Variants in KLHL21 observed in about 807,000 individuals in gnomAD.
KLHL21 encodes the protein kelch like family member 21, also known as kelch-like protein 21.
In KLHL21, 42 loss-of-function variants were observed where a neutral mutation model predicts 44.1. That is an observed-to-expected ratio of 0.95 (90% confidence interval 0.74 to 1.23). The LOEUF (loss-of-function observed/expected upper bound fraction) is 1.23, where lower values mean the gene tolerates loss of function less well. KLHL21 is among the 50% of genes most tolerant of loss of function. The pLI is 0.00. For missense variants in KLHL21, 918 were observed against 889.1 expected (o/e 1.03, Z -0.41); for synonymous variants, 524 against 411.6 (o/e 1.27, Z -3.31).
At chr1:6,598,678 C>T (rs1461849736) in intron 2 of KLHL21, among the ~76,000 whole-genome samples, 2 of 152,046 alleles carry the variant, frequency 1.3e-5, no homozygotes, top group Admixed American at 1.3e-4. Context: ...GTCAGGAGAT[C>T]AAGACCATCC....
At position 6,593,390 on chromosome 1, in the gene KLHL21, G is replaced by A. The variant is rs750408643; in HGVS notation, c.1769C>T (p.Pro590Leu). ...DDMDPGRPRPPRDPDELH is the reference protein window; with the variant it reads ...DDMDPGRPRPLRDPDELH ...CTAGTGCAGCTCATCGGGGTCCCGCGGCGGCCGGGGTCGGCCTGGGTCCAT... is the reference window on the plus strand; with the variant it reads ...CTAGTGCAGCTCATCGGGGTCCCGCAGCGGCCGGGGTCGGCCTGGGTCCAT... The change falls in exon 4 of 4, where the codon CCG (proline) becomes CTG (leucine). Residue 590 changes from proline to leucine, a missense_variant. Physicochemically the swap from Pro to Leu is moderately conservative, Grantham distance 98. Transcript: ENST00000377658. 48 of 1,602,614 alleles carry A rather than the reference G, an allele frequency of 3.0e-5. No individual in the cohort carries two copies. The highest frequency in any genetic ancestry group is 1.6e-4 in the African/African-American group (12 of 74,782).
rs1419327768 is a variant in KLHL21, at chr1:6,592,083, G to T, written c.*1282C>A. The T allele has an allele frequency of 6.6e-6, 1 of 152,480 alleles. No individual in the cohort carries two copies. The highest frequency in any genetic ancestry group is 1.9e-4 in the East Asian group (1 of 5,190). 9.4% of individuals were successfully genotyped at this position (152,480 alleles called of 1,614,324 possible). On this transcript the variant is annotated 3_prime_UTR_variant, in exon 4 of 4. Transcript: ENST00000377658. ...CACGAGGGAGAGGCCAGGCAGCCCTGTCAGGGGTCCTGGGACATATTAAGG... is the reference window on the plus strand; with the variant it reads ...CACGAGGGAGAGGCCAGGCAGCCCTTTCAGGGGTCCTGGGACATATTAAGG...
intron 2 of KLHL21, 45 bp downstream of exon 2, chr1:6,599,002 T>G: frequency 6.6e-7 from 1 of 1,520,748 alleles, no homozygotes; most frequent in Non-Finnish European, 8.8e-7. Context: ...CAGGGCCTGG[T>G]AAGAGACACC....
In KLHL21 at chr1:6,601,824, C is replaced by T; in HGVS notation, c.994G>A (p.Ala332Thr). The change falls in exon 1 of 4, where the codon GCG (alanine) becomes ACG (threonine). Residue 332 changes from alanine to threonine, a missense_variant. Coordinates refer to ENST00000377658, the MANE Select transcript of KLHL21 (RefSeq NM_014851.4). ...GTCACGTAGATGTCATTGCCCAGCGCCACGATGCTGTAGCCTCCGCCCAGG... is the reference window on the plus strand; with the variant it reads ...GTCACGTAGATGTCATTGCCCAGCGTCACGATGCTGTAGCCTCCGCCCAGG... ...DHLGGGYSIV[A>T]LGNDIYVTGG... 6.3e-7 allele frequency: 1 copy of T among 1,584,324 alleles called. No individual in the cohort carries two copies. Among genetic ancestry groups the T allele is most frequent in the Non-Finnish European group, 8.6e-7 (1 of 1,165,464 alleles).
At chr1:6,601,459 T>C (rs771397368) in intron 1 of KLHL21, among the ~76,000 whole-genome samples, 17 of 152,020 alleles carry the variant, frequency 1.1e-4, no homozygotes, top group Non-Finnish European at 1.6e-4. Flanking sequence ...CTGGATTCCT[T>C]AAGGAGAAAA....
Position 6,602,639 on chromosome 1 carries a change from T to C in KLHL21, c.179A>G (p.Tyr60Cys). 6.6e-7 allele frequency: 1 copy of C among 1,517,002 alleles called. No homozygotes were observed. Among genetic ancestry groups the C allele is most frequent in the Non-Finnish European group, 8.8e-7 (1 of 1,138,994 alleles). 94.0% of individuals were successfully genotyped at this position (1,517,002 alleles called of 1,614,324 possible). A position where few individuals can be genotyped will look rare whatever the true frequency, so the allele number is the denominator to read the frequency against. ...CTGCCCCGCGAACATGGCGCGGAAGTAGGGGCTGGCGGCGGCCAGCACCGC... is the reference window on the plus strand; with the variant it reads ...CTGCCCCGCGAACATGGCGCGGAAGCAGGGGCTGGCGGCGGCCAGCACCGC... Reference protein sequence around the residue: ...HRAVLAAASPYFRAMFAGQLR... With the variant: ...HRAVLAAASPCFRAMFAGQLR... Residue 60 changes from tyrosine (Y) to cysteine (C), a missense_variant, in exon 1 of 4, where the codon TAC (tyrosine) becomes TGC (cysteine). Transcript: ENST00000377658.
intron 3 of KLHL21, chr1:6,594,914 A>C (rs577144757): frequency 6.3e-6 from 1 of 158,126 alleles, no homozygotes; most frequent in South Asian, 2.0e-4. Flanking sequence ...AAAAAAAATT[A>C]CTGGGTGTGG....
chr1:6,602,334 G>C lies in KLHL21; in HGVS notation c.484C>G (p.Leu162Val), dbSNP rs550410842. ...GCGCCCAGCTCGCCCACGTGGCGCA[G>C]AATGAACCGCTGCGCCGCGCTCGCC... Reference protein sequence around the residue: ...GLASAAQRFILRHVGELGAEQ... With the variant: ...GLASAAQRFIVRHVGELGAEQ... Residue 162 changes from leucine to valine, a missense_variant, in exon 1 of 4, where the codon CTG becomes GTG. Coordinates refer to ENST00000377658, the MANE Select transcript of KLHL21 (RefSeq NM_014851.4). 2 of 1,557,850 alleles carry C rather than the reference G, an allele frequency of 1.3e-6. No individual in the cohort carries two copies. Among genetic ancestry groups the C allele is most frequent in the African/African-American group, 1.4e-5 (1 of 73,372 alleles).
At chr1:6,594,166 G>T in intron 3 of KLHL21, 1 of 784,590 alleles carries the variant, frequency 1.3e-6, no homozygotes, top group Non-Finnish European at 1.5e-6. Context: ...AAGCTGTGAT[G>T]TAAGCTGTGA....
At position 6,592,051 on chromosome 1, in the gene KLHL21, TGAG is replaced by T. The variant is rs1241141395; in HGVS notation, c.*1311_*1313del. On this transcript the variant is annotated 3_prime_UTR_variant, in exon 4 of 4. Transcript: ENST00000377658. ...ATCCACAGTGTATGGACTGGGCTCT[TGAG>T]GAGCACGAGGGAGAGGCCAGGCAGC... 1 of 152,230 alleles carries T rather than the reference TGAG, an allele frequency of 6.6e-6. No homozygotes were observed. Among genetic ancestry groups the T allele is most frequent in the East Asian group, 1.9e-4 (1 of 5,192 alleles). The allele number at this position is 152,230 out of a possible 1,614,324, so 9.4% of individuals were successfully genotyped here. A position where few individuals can be genotyped will look rare whatever the true frequency, so the allele number is the denominator to read the frequency against.
Position 6,602,309 on chromosome 1 carries a change from G to A in KLHL21, c.509C>T (p.Ala170Val). 2 of 1,554,726 alleles carry A rather than the reference G, an allele frequency of 1.3e-6. No individual in the cohort carries two copies. The highest frequency in any genetic ancestry group is 1.2e-5 in the South Asian group (1 of 85,590). ...CAGTGGCAGCCGCTCCAGCTGCTCGGCGCCCAGCTCGCCCACGTGGCGCAG... is the reference window on the plus strand; with the variant it reads ...CAGTGGCAGCCGCTCCAGCTGCTCGACGCCCAGCTCGCCCACGTGGCGCAG... ...FILRHVGELG[A>V]EQLERLPLAR... is the part of the protein sequence containing the mutation. The change falls in exon 1 of 4, where the codon GCC becomes GTC. Residue 170 changes from alanine to valine, a missense_variant. Transcript: ENST00000377658.
At position 6,599,336 on chromosome 1, in the gene KLHL21, GCA is replaced by G. The variant is rs766881707; in HGVS notation, c.1136_1137del (p.Val379AlafsTer17). 2.5e-6 allele frequency: 4 copies of G among 1,613,776 alleles called. No homozygotes were observed. Among genetic ancestry groups the G allele is most frequent in the Non-Finnish European group, 2.5e-6 (3 of 1,180,024 alleles). The part of the protein sequence containing the change: ...LKAREYHSSS[V>X]LDGLLYVVAA... ...GCCACCACGTACAGCAGTCCGTCCAGCACAGAGGAGCTGTGGTACTCGCGGGC... is the reference window on the plus strand; with the variant it reads ...GCCACCACGTACAGCAGTCCGTCCAGCAGAGGAGCTGTGGTACTCGCGGGC... On this transcript the variant is annotated frameshift_variant, in exon 2 of 4. Coordinates refer to ENST00000377658, the MANE Select transcript of KLHL21 (RefSeq NM_014851.4). LOFTEE classifies it high-confidence loss of function.
intron 3 of KLHL21, chr1:6,593,991 A>C: frequency 4.6e-6 from 5 of 1,086,050 alleles, no homozygotes; most frequent in East Asian, 5.6e-5. Flanking sequence ...TGTTCTCCCC[A>C]TGTTACAGAT....
chr1:6,598,197 AG>A (rs1366518796), intron 2 of KLHL21, among the ~76,000 whole-genome samples: 1 of 152,162 alleles, frequency 6.6e-6, no homozygotes, highest in African/African-American at 2.4e-5. Context: ...TCTGGGAGGC[AG>A]GAAATGTGAG....
intron 1 of KLHL21, chr1:6,599,684 G>A (rs1640987493): frequency 1.7e-6 from 1 of 573,382 alleles, no homozygotes; most frequent in South Asian, 2.1e-5. Flanking sequence ...CCAAACAAAG[G>A]TCCTGAGTGC....
In KLHL21 at chr1:6,599,098, C is replaced by A; in HGVS notation, c.1376G>T (p.Trp459Leu). 6.2e-7 allele frequency: 1 copy of A among 1,611,286 alleles called. No homozygotes were observed. Among genetic ancestry groups the A allele is most frequent in the Non-Finnish European group, 8.5e-7 (1 of 1,178,652 alleles). The change falls in exon 2 of 4, where the codon TGG becomes TTG. Residue 459 changes from tryptophan to leucine, a missense_variant. Physicochemically the swap from Trp to Leu is moderately conservative, Grantham distance 61 (BLOSUM62 -2). Transcript: ENST00000377658. The stretch of plus-strand genomic sequence containing the variant: ...AGTCGCAGTCTTGGGGGCGAAGGAC[C>A]AGGGCGGGAGCTGGCCGCAGTCCAC... ...SLVDCGQLPP[W>L]SFAPKTATLN...
intron 2 of KLHL21, among the ~76,000 whole-genome samples, chr1:6,596,862 T>C (rs896766173): frequency 6.6e-6 from 1 of 152,092 alleles, no homozygotes; most frequent in African/African-American, 2.4e-5. Flanking sequence ...CATTTGTGGG[T>C]CACATGGACA....
chr1:6,602,231 T>A lies in KLHL21; in HGVS notation c.587A>T (p.Glu196Val). The change falls in exon 1 of 4, where the codon GAG (glutamate) becomes GTG (valine). Residue 196 changes from glutamate (E) to valine (V), a missense_variant. Coordinates refer to ENST00000377658, the MANE Select transcript of KLHL21 (RefSeq NM_014851.4). ...RDDGLCVPKE[E>V]AAYQLALRWV... The stretch of plus-strand genomic sequence containing the variant: ...GCGCAGCGCCAGCTGGTAGGCGGCC[T>A]CCTCCTTGGGCACACACAGCCCGTC... The A allele has an allele frequency of 6.6e-7, 1 of 1,526,406 alleles. No homozygotes were observed. Among genetic ancestry groups the A allele is most frequent in the Non-Finnish European group, 8.7e-7 (1 of 1,143,810 alleles). 94.6% of individuals were successfully genotyped at this position (1,526,406 alleles called of 1,614,324 possible).
Position 6,602,820 on chromosome 1 carries a change from C to A in KLHL21, c.-3G>T. 2 of 1,431,696 alleles carry A rather than the reference C, an allele frequency of 1.4e-6. No homozygotes were observed. The highest frequency in any genetic ancestry group is 1.8e-6 in the Non-Finnish European group (2 of 1,103,444). The allele number at this position is 1,431,696 out of a possible 1,614,324, so 88.7% of individuals were successfully genotyped here. Reference sequence around the variant, plus strand: ...GCCAGGGGCGCCGGTCGCTCCATGGCGCCTTCGATAGGTTGTCGAGGACGC... The same window carrying A: ...GCCAGGGGCGCCGGTCGCTCCATGGAGCCTTCGATAGGTTGTCGAGGACGC... On this transcript the variant is annotated 5_prime_UTR_variant, in exon 1 of 4. Transcript: ENST00000377658.
Sources: allele counts gnomAD v4.1 joint callset (sites outside exome capture counted in the v4.1 genomes callset), GRCh38; gene constraint gnomAD v4.1.1; transcripts MANE v1.5; gene names NCBI Gene and HGNC (gene_info 2026-07-23, HGNC 2026-07-21).